The following WDR88 variants were observed in gnomAD, a reference collection of about 807,000 sequenced individuals.
WDR88 encodes the protein WD repeat domain 88, also known as WD repeat-containing protein 88.
WDR88 carries 40 observed loss-of-function variants against 46.8 expected under a neutral mutation model. The observed-to-expected ratio is 0.86, with a 90% CI of 0.66 to 1.11. The LOEUF (loss-of-function observed/expected upper bound fraction) is 1.11. WDR88 is among the 50% of genes most tolerant of loss of function. The pLI is 0.00. For synonymous variants in WDR88, 235 were observed against 240.7 expected (o/e 0.98, Z 0.22); for missense variants, 562 against 602.4 (o/e 0.93, Z 0.70).
intron 10 of WDR88, among the ~76,000 whole-genome samples, chr19:33,173,313 C>A (rs1974071794): frequency 6.6e-6 from 1 of 152,036 alleles, no homozygotes; most frequent in African/African-American, 2.4e-5. Flanking sequence ...GGGCAGGTCC[C>A]CAGTGCCCCA....
chr19:33,135,901 A>T (rs11672753), intron 1 of WDR88, among the ~76,000 whole-genome samples: 80,189 of 150,700 alleles, frequency 0.53, 23,403 homozygotes, highest in African/African-American at 0.76. Context: ...CTTTTCTTTT[A>T]TTTTTTAAGA....
intron 7 of WDR88, among the ~76,000 whole-genome samples, chr19:33,157,665 GTA>G (rs72332673): frequency 0.096 from 10,083 of 104,780 alleles, 893 homozygotes; most frequent in East Asian, 0.32. Context: ...ATATATGTAT[GTA>G]TGTGTGTGTG....
chr19:33,149,721 C>T (rs1015903012), intron 5 of WDR88, among the ~76,000 whole-genome samples: 3 of 151,438 alleles, frequency 2.0e-5, no homozygotes, highest in African/African-American at 4.8e-5. Flanking sequence ...TGTAGTGGTG[C>T]GATCTCGGGT....
intron 1 of WDR88, among the ~76,000 whole-genome samples, chr19:33,134,840 ACC>A (rs766617576): frequency 8.0e-4 from 50 of 62,430 alleles, no homozygotes; most frequent in African/African-American, 1.6e-3. Flanking sequence ...CGTCCCCGAC[ACC>A]CCCCCCCCCG....
chr19:33,173,122 G>A (rs1228640274), intron 10 of WDR88, among the ~76,000 whole-genome samples: 6 of 133,302 alleles, frequency 4.5e-5, no homozygotes, highest in African/African-American at 8.4e-5. Context: ...AAAAAAAAGA[G>A]AAGAAAGAAC....
intron 9 of WDR88, among the ~76,000 whole-genome samples, chr19:33,170,621 G>A (rs1034357458): frequency 2.6e-5 from 4 of 152,164 alleles, no homozygotes; most frequent in African/African-American, 9.6e-5. Flanking sequence ...AGCAATTTGG[G>A]AGGCTGAGAT....
At chr19:33,162,775 G>A (rs1437850125) in intron 8 of WDR88, among the ~76,000 whole-genome samples, 2 of 152,114 alleles carry the variant, frequency 1.3e-5, no homozygotes, top group African/African-American at 4.8e-5. Context: ...CCAGCTACTC[G>A]GGAGGCTGAG....
intron 9 of WDR88, among the ~76,000 whole-genome samples, chr19:33,166,705 G>A (rs1973959899): frequency 6.6e-6 from 1 of 151,908 alleles, no homozygotes; most frequent in African/African-American, 2.4e-5. Context: ...TGAGCCCAGG[G>A]GTTTGGGACC....
chr19:33,133,793 C>T (rs1426752016), intron 1 of WDR88, among the ~76,000 whole-genome samples: 2 of 152,172 alleles, frequency 1.3e-5, no homozygotes, highest in African/African-American at 4.8e-5. Context: ...GGGATCTTGG[C>T]GGTTCCCTGC....
chr19:33,155,699 C>T (rs1973721219), intron 6 of WDR88, among the ~76,000 whole-genome samples: 1 of 152,196 alleles, frequency 6.6e-6, no homozygotes, highest in African/African-American at 2.4e-5. Flanking sequence ...TCAATCACTC[C>T]TGACACCAGC....
At chr19:33,156,895 C>T (rs1051952362) in intron 7 of WDR88, among the ~76,000 whole-genome samples, 1 of 152,118 alleles carries the variant, frequency 6.6e-6, no homozygotes, top group Non-Finnish European at 1.5e-5. Context: ...TCAGCCTTTA[C>T]CCCCAAGGAG....
intron 9 of WDR88, 101 bp from the exon 10 acceptor site, chr19:33,172,247 T>C (rs1821803973): frequency 4.1e-6 from 4 of 987,236 alleles, no homozygotes; most frequent in East Asian, 4.9e-5. Context: ...CTCTGTCTTT[T>C]TGTGCCTTGA....
chr19:33,133,280 G>A (rs1379436440), intron 1 of WDR88, among the ~76,000 whole-genome samples: 1 of 152,048 alleles, frequency 6.6e-6, no homozygotes, highest in African/African-American at 2.4e-5. Context: ...GGGTGCAGTG[G>A]CTCATGTCTG....
chr19:33,133,518 A>AAAAAC (rs1599874531), intron 1 of WDR88, among the ~76,000 whole-genome samples: 1 of 152,216 alleles, frequency 6.6e-6, no homozygotes, highest in African/African-American at 2.4e-5. Context: ...ACTCCATCTC[A>AAAAAC]AAAACAAAAC....
chr19:33,171,336 G>A (rs1974035715), intron 9 of WDR88, among the ~76,000 whole-genome samples: 1 of 152,104 alleles, frequency 6.6e-6, no homozygotes, highest in Non-Finnish European at 1.5e-5. Flanking sequence ...GATGTTTTTT[G>A]TTGTCATGAT....
chr19:33,160,708 G>T (rs1973850817), intron 8 of WDR88, among the ~76,000 whole-genome samples: 1 of 152,222 alleles, frequency 6.6e-6, no homozygotes, highest in East Asian at 1.9e-4. Context: ...TGGGGACAGA[G>T]GCGGGGGACC....
intron 2 of WDR88, among the ~76,000 whole-genome samples, chr19:33,144,344 C>A (rs950271755): frequency 2.0e-5 from 3 of 152,134 alleles, no homozygotes; most frequent in African/African-American, 7.2e-5. Flanking sequence ...GGACTACAGG[C>A]GCGCGCCACC....
Position 33,160,588 on chromosome 19 carries a change from T to A in WDR88, c.1080+92T>A, listed in dbSNP as rs567045747. 5.9e-5 allele frequency: 81 copies of A among 1,361,474 alleles called. 2 individuals carry two copies. In the East Asian group the frequency reaches 1.9e-3, roughly 31 times the overall value. 84.3% of individuals were successfully genotyped at this position (1,361,474 alleles called of 1,614,324 possible). On this transcript the variant is annotated intron_variant, in intron 8 of 10. Transcript: ENST00000355868. The stretch of plus-strand genomic sequence containing the variant: ...TGGTTGCTGGGGACACAGCTGTGAG[T>A]GACACAGGCCTTGATGCCTCTGTGG...
chr19:33,175,344 A>T, intron 10 of WDR88, 52 bp from the exon 11 acceptor site: 2 of 1,575,320 alleles, frequency 1.3e-6, no homozygotes, highest in Non-Finnish European at 1.7e-6. Flanking sequence ...GCATGCCTGG[A>T]TCACCTCTGA....
Sources: gnomAD v4.1 joint callset for allele counts (sites outside exome capture counted in the v4.1 genomes callset) on GRCh38, gnomAD v4.1.1 for gene constraint, MANE v1.5 for transcripts, NCBI Gene and HGNC (gene_info 2026-07-23, HGNC 2026-07-21) for gene names.